The following TTN variants were observed in gnomAD, a reference collection of about 807,000 sequenced individuals.
The protein encoded by TTN is titin, also known as connectin.
A neutral mutation model predicts 3,223.0 loss-of-function variants in TTN; 1,525 were observed. The observed-to-expected ratio is 0.47, with a 90% CI of 0.45 to 0.49. TTN has a LOEUF of 0.49. Among genes scored for constraint, TTN ranks in the 20% least tolerant of loss-of-function variants. The pLI, the probability that TTN is intolerant of heterozygous loss-of-function variation, is 0.00. For synonymous variants in TTN, 14,094 were observed against 15,161.0 expected (o/e 0.93, Z 5.17); for missense variants, 40,786 against 43,424.0 (o/e 0.94, Z 5.40).
chr2:178,572,871 C>T lies in TTN; in HGVS notation c.73261G>A (p.Asp24421Asn). ...ALVPGTPKAE[D>N]RMLPPEIELD... ...TCAATTTCTGGAGGCAGCATTCTGT[C>T]TTCAGCCTTTGGAGTTCCAGGAACA... Residue 24421 changes from aspartate (D) to asparagine (N), a missense_variant, in exon 326 of 363, where the codon GAC becomes AAC. Asp to Asn is a conservative substitution (Grantham distance 23). Coordinates refer to ENST00000589042, the MANE Select transcript of TTN (RefSeq NM_001267550.2). The T allele has an allele frequency of 1.2e-6, 2 of 1,613,424 alleles. No homozygotes were observed. Among genetic ancestry groups the T allele is most frequent in the Non-Finnish European group, 1.7e-6 (2 of 1,179,604 alleles).
chr2:178,706,668 A>C lies in TTN; in HGVS notation c.29206T>G (p.Trp9736Gly), dbSNP rs1229199576. ...CGACCTCCTTGGTTCAGCTGTCTCC[A>C]CTTCCCTTTTGTCCATTTAACATTT... ...IPNVKWTKGK[W>G]RQLNQGGRVF... The change falls in exon 102 of 363, where the codon TGG becomes GGG. Residue 9736 changes from tryptophan to glycine, a missense_variant. Physicochemically the swap from Trp to Gly is radical, Grantham distance 184. Transcript: ENST00000589042. 6.2e-7 allele frequency: 1 copy of C among 1,613,836 alleles called. No individual in the cohort carries two copies. The highest frequency in any genetic ancestry group is 1.7e-5 in the Admixed American group (1 of 60,008).
chr2:178,577,324 A>C lies in TTN; in HGVS notation c.69011T>G (p.Met23004Arg). Residue 23004 changes from methionine (M) to arginine (R), a missense_variant, in exon 324 of 363, where the codon ATG becomes AGG. By Grantham distance (91) the Met-to-Arg change is moderately conservative. Coordinates refer to ENST00000589042, the MANE Select transcript of TTN (RefSeq NM_001267550.2). ...TQITSTPTSS[M>R]LTIKYATRKD... Reference sequence around the variant, plus strand: ...TCTAGTGGCATACTTGATAGTAAGCATGGAAGATGTTGGGGTTGAAGTTAT... The same window carrying C: ...TCTAGTGGCATACTTGATAGTAAGCCTGGAAGATGTTGGGGTTGAAGTTAT... The C allele has an allele frequency of 6.2e-7, 1 of 1,612,932 alleles. No homozygotes were observed. Among genetic ancestry groups the C allele is most frequent in the Non-Finnish European group, 8.5e-7 (1 of 1,179,484 alleles).
chr2:178,804,133 A>G (rs904810409), intron 2 of TTN, among the ~76,000 whole-genome samples: 43 of 152,176 alleles, frequency 2.8e-4, no homozygotes, highest in Admixed American at 2.4e-3. Context: ...GTGTGAACCA[A>G]CTGAAGTTCA....
intron 240 of TTN, chr2:178,628,654 AC>A (rs899661599): frequency 6.6e-5 from 10 of 152,102 alleles, no homozygotes; most frequent in African/African-American, 2.4e-4. Context: ...CTAGTTATTT[AC>A]CAAAGCTTAA....
In TTN at chr2:178,542,320, C is replaced by T. The variant is rs369845358; in HGVS notation, c.97436G>A (p.Arg32479His). The change falls in exon 349 of 363, where the codon CGC becomes CAC. Residue 32479 changes from arginine to histidine, a missense_variant. By Grantham distance (29) the Arg-to-His change is conservative. Transcript: ENST00000589042. Reference protein sequence around the residue: ...EYVFRVAATNRFGIGSYLQSE... With the variant: ...EYVFRVAATNHFGIGSYLQSE... The stretch of plus-strand genomic sequence containing the variant: ...CTGCAAGTAAGAGCCAATCCCGAAG[C>T]GGTTTGTTGCAGCCACACGGAACAC... 3.5e-5 allele frequency: 57 copies of T among 1,612,860 alleles called. No homozygotes were observed. In the African/African-American group the frequency reaches 3.7e-4, roughly 11 times the overall value.
In TTN at chr2:178,739,908, A is replaced by C. The variant is rs756871857; in HGVS notation, c.13325T>G (p.Met4442Arg). The C allele has an allele frequency of 6.2e-7, 1 of 1,613,924 alleles. No individual in the cohort carries two copies. Among genetic ancestry groups the C allele is most frequent in the Non-Finnish European group, 8.5e-7 (1 of 1,179,850 alleles). ...AGACTTTGCCGAAGTAACAAGGTAC[A>C]TGCACATGATGTGTCTGGGCTCTTG... ...ITQEPRHIMCMYLVTSAKSVT... is the reference protein window; with the variant it reads ...ITQEPRHIMCRYLVTSAKSVT... The change falls in exon 48 of 363, where the codon ATG (methionine) becomes AGG (arginine). Residue 4442 changes from methionine to arginine, a missense_variant. Met to Arg is a moderately conservative substitution (Grantham distance 91, BLOSUM62 -1). Coordinates refer to ENST00000589042, the MANE Select transcript of TTN (RefSeq NM_001267550.2).
At chr2:178,541,032 TTGACTCCAGAGAAGAATA>T (rs1483577771) in intron 350 of TTN, 1 of 331,694 alleles carries the variant, frequency 3.0e-6, no homozygotes, top group African/African-American at 2.1e-5. Context: ...GAAGTGGAAA[TTGACTCCAGAGAAGAATA>T]TTAAAAATTA....
In TTN at chr2:178,782,578, G is replaced by C. The variant is rs780325712; in HGVS notation, c.3125C>G (p.Thr1042Ser). Reference protein sequence around the residue: ...VQVSEEFEKETTAVTEKFTTE... With the variant: ...VQVSEEFEKESTAVTEKFTTE... ...AGTAAATTTCTCAGTCACGGCTGTGGTTTCCTTTTCAAATTCTTCTGACAC... is the reference window on the plus strand; with the variant it reads ...AGTAAATTTCTCAGTCACGGCTGTGCTTTCCTTTTCAAATTCTTCTGACAC... The change falls in exon 19 of 363, where the codon ACC (threonine) becomes AGC (serine). Residue 1042 changes from threonine (T) to serine (S), a missense_variant. Coordinates refer to ENST00000589042, the MANE Select transcript of TTN (RefSeq NM_001267550.2). The C allele has an allele frequency of 1.2e-6, 2 of 1,613,910 alleles. No individual in the cohort carries two copies. Among genetic ancestry groups the C allele is most frequent in the Non-Finnish European group, 1.7e-6 (2 of 1,179,938 alleles).
Position 178,576,389 on chromosome 2 carries a change from T to G in TTN, c.69743A>C (p.His23248Pro), listed in dbSNP as rs1423241119. 3 of 1,564,802 alleles carry G rather than the reference T, an allele frequency of 1.9e-6. No homozygotes were observed. Among genetic ancestry groups the G allele is most frequent in the Non-Finnish European group, 1.7e-6 (2 of 1,162,794 alleles). ...AGATTTCTTGGTAGTATCAGTGACA[T>G]GCGGATTTGAAGGTGGTCCTGGAGG... ...AYPPGPPSNP[H>P]VTDTTKKSAS... The change falls in exon 326 of 363, where the codon CAT (histidine) becomes CCT (proline). Residue 23248 changes from histidine to proline, a missense_variant. Transcript: ENST00000589042. The surrounding 1 kb of genome is among the most constrained non-coding windows in gnomAD (Gnocchi z 4.3).
Position 178,667,463 on chromosome 2 carries a change from T to G in TTN, c.35692A>C (p.Arg11898=). Residue 11898 remains arginine (R), a synonymous_variant, in exon 161 of 363, where the codon AGA becomes CGA. Transcript: ENST00000589042. The part of the protein sequence containing the change: ...DKIYVTIPKK[R]ETPATKEPDT... ...ATACCTTTAGTTGCTGGTGTTTCTC[T>G]CTTTTTAGGAATAGTCACATATATT... is the stretch of plus-strand genomic sequence containing the variant. 1 of 1,601,042 alleles carries G rather than the reference T, an allele frequency of 6.2e-7. No individual in the cohort carries two copies. The highest frequency in any genetic ancestry group is 8.5e-7 in the Non-Finnish European group (1 of 1,178,002).
chr2:178,557,286 G>A lies in TTN; in HGVS notation c.87976C>T (p.Pro29326Ser), dbSNP rs1190882464. 2 of 1,613,882 alleles carry A rather than the reference G, an allele frequency of 1.2e-6. No homozygotes were observed. Among genetic ancestry groups the A allele is most frequent in the Non-Finnish European group, 1.7e-6 (2 of 1,179,860 alleles). Residue 29326 changes from proline (P) to serine (S), a missense_variant, in exon 329 of 363, where the codon CCT (proline) becomes TCT (serine). Coordinates refer to ENST00000589042, the MANE Select transcript of TTN (RefSeq NM_001267550.2). ...TCAATTGCCAAGACTGGTTCAGAAGGATGGCTAGGTTTTCCAACTCCAGCA... is the reference window on the plus strand; with the variant it reads ...TCAATTGCCAAGACTGGTTCAGAAGAATGGCTAGGTTTTCCAACTCCAGCA... Reference protein sequence around the residue: ...NAAGVGKPSHPSEPVLAIDAC... With the variant: ...NAAGVGKPSHSSEPVLAIDAC...
chr2:178,769,021 G>C, intron 37 of TTN, 88 bp from the exon 38 acceptor site: 1 of 1,442,774 alleles, frequency 6.9e-7, no homozygotes, highest in Non-Finnish European at 9.6e-7. Flanking sequence ...AATTTGGAAT[G>C]TTTTTAGTGC....
Position 178,640,066 on chromosome 2 carries a change from T to G in TTN, c.40768A>C (p.Lys13590Gln). Residue 13590 changes from lysine (K) to glutamine (Q), a missense_variant, in exon 222 of 363, where the codon AAA (lysine) becomes CAA (glutamine). Coordinates refer to ENST00000589042, the MANE Select transcript of TTN (RefSeq NM_001267550.2). ...TGCTCACCTGCTTCGGGCTTTGGTT[T>G]CGGTTCAGGTGCAGGGAGAGGTATT... The part of the protein sequence containing the change: ...PAIPLPAPEP[K>Q]PKPEAEVKTI... 2.5e-6 allele frequency: 4 copies of G among 1,612,254 alleles called. No individual in the cohort carries two copies. Among genetic ancestry groups the G allele is most frequent in the Non-Finnish European group, 3.4e-6 (4 of 1,178,776 alleles).
chr2:178,784,980 C>T (rs2154351127), intron 15 of TTN, among the ~76,000 whole-genome samples: 1 of 152,254 alleles, frequency 6.6e-6, no homozygotes, highest in South Asian at 2.1e-4. Flanking sequence ...TGTATAATAA[C>T]AATAGTGACT....
At position 178,667,668 on chromosome 2, in the gene TTN, G is replaced by C. The variant is rs938318331; in HGVS notation, c.35599C>G (p.Pro11867Ala). The change falls in exon 160 of 363, where the codon CCT becomes GCT. Residue 11867 changes from proline (P) to alanine (A), a missense_variant. Physicochemically the swap from Pro to Ala is conservative, Grantham distance 27. Transcript: ENST00000589042. Reference sequence around the variant, plus strand: ...GCTAGTTTGGGTTTTGTCTTTTGAGGTTGAGTCACAAGTACTTTTTCTTCT... The same window carrying C: ...GCTAGTTTGGGTTTTGTCTTTTGAGCTTGAGTCACAAGTACTTTTTCTTCT... ...VLEEKVLVTQ[P>A]QKTKPKLAKV... The C allele has an allele frequency of 1.3e-6, 2 of 1,597,152 alleles. No homozygotes were observed. The highest frequency in any genetic ancestry group is 2.7e-5 in the African/African-American group (2 of 74,844).
chr2:178,564,171 C>T lies in TTN; in HGVS notation c.81961G>A (p.Ala27321Thr). ...KDGKELEETA[A>T]RMEIKSTIQK... is the part of the protein sequence containing the mutation. ...ATAGTAGATTTAATTTCCATTCTAG[C>T]AGCTGTTTCTTCAAGTTCTTTTCCA... The change falls in exon 326 of 363, where the codon GCT (alanine) becomes ACT (threonine). Residue 27321 changes from alanine to threonine, a missense_variant. Coordinates refer to ENST00000589042, the MANE Select transcript of TTN (RefSeq NM_001267550.2). 3 of 1,613,736 alleles carry T rather than the reference C, an allele frequency of 1.9e-6. No homozygotes were observed. The highest frequency in any genetic ancestry group is 2.5e-6 in the Non-Finnish European group (3 of 1,179,748).
intron 308 of TTN, 40 bp from the exon 309 acceptor site, chr2:178,585,387 G>T: frequency 6.5e-7 from 1 of 1,528,524 alleles, no homozygotes; most frequent in Non-Finnish European, 8.8e-7. Flanking sequence ...TGGGAAGGTG[G>T]ATAAGTTTCT....
In TTN at chr2:178,784,339, C is replaced by G; in HGVS notation, c.2506G>C (p.Gly836Arg). Residue 836 changes from glycine (G) to arginine (R), a missense_variant, in exon 16 of 363, where the codon GGT becomes CGT. Gly to Arg is a moderately radical substitution (Grantham distance 125). Coordinates refer to ENST00000589042, the MANE Select transcript of TTN (RefSeq NM_001267550.2). ...TEHGYEASIA[G>R]SAIATLQKEL... Reference sequence around the variant, plus strand: ...TTTTGTAATGTGGCAATAGCACTACCGGCTATTGATGCCTACATGGAAACA... The same window carrying G: ...TTTTGTAATGTGGCAATAGCACTACGGGCTATTGATGCCTACATGGAAACA... The G allele has an allele frequency of 6.2e-7, 1 of 1,614,004 alleles. No homozygotes were observed. The highest frequency in any genetic ancestry group is 8.5e-7 in the Non-Finnish European group (1 of 1,179,986).
At chr2:178,747,212 G>T (rs905943802) in intron 47 of TTN, 1 of 1,611,990 alleles carries the variant, frequency 6.2e-7, no homozygotes, top group Non-Finnish European at 8.5e-7. Context: ...TGGAGGTGTG[G>T]AGTATCTCTC....
Sources: allele counts gnomAD v4.1 joint callset (sites outside exome capture counted in the v4.1 genomes callset), GRCh38; gene constraint gnomAD v4.1.1; non-coding constraint Gnocchi (gnomAD v3.1); transcripts MANE v1.5; gene names NCBI Gene and HGNC (gene_info 2026-07-23, HGNC 2026-07-21).